The following KAT2B variants were observed in gnomAD, a reference collection of about 807,000 sequenced individuals.
KAT2B encodes lysine acetyltransferase 2B, also known as histone acetyltransferase KAT2B.
KAT2B carries 36 observed loss-of-function variants against 105.9 expected under a neutral mutation model. That is an observed-to-expected ratio of 0.34 (90% CI 0.26 to 0.45). KAT2B has a LOEUF of 0.45. KAT2B is among the 20% of genes least tolerant of loss of function. KAT2B has a pLI of 1.00. For synonymous variants in KAT2B, 397 were observed against 377.9 expected, an observed-to-expected ratio of 1.05 and a Z score of -0.59; for missense variants, 820 against 1,021.6, an observed-to-expected ratio of 0.80 and a Z score of 2.69.
At position 20,117,849 on chromosome 3, in the gene KAT2B, C is replaced by T. The variant is rs182475823; in HGVS notation, c.1151-1749C>T. On this transcript the variant is annotated intron_variant, in intron 7 of 17. Coordinates refer to ENST00000263754, the MANE Select transcript of KAT2B (RefSeq NM_003884.5). Reference sequence around the variant, plus strand: ...AGCAACACAGCTAGCAAAGCAGCATCCTACTTTGTACAATGGCCTTTTCTA... The same window carrying T: ...AGCAACACAGCTAGCAAAGCAGCATTCTACTTTGTACAATGGCCTTTTCTA... 2.9e-3 allele frequency among the ~76,000 whole-genome samples: 447 copies of T among 152,264 alleles called. 1 individual carries two copies. Among genetic ancestry groups the T allele is most frequent in the Non-Finnish European group, 4.6e-3 (313 of 68,010 alleles).
chr3:20,133,467 A>G (rs1030426415), intron 11 of KAT2B, among the ~76,000 whole-genome samples: 2 of 152,212 alleles, frequency 1.3e-5, no homozygotes, highest in Non-Finnish European at 1.5e-5. Flanking sequence ...GAACATTTCC[A>G]TAATTGCAGG....
intron 1 of KAT2B, among the ~76,000 whole-genome samples, chr3:20,067,761 G>T (rs1340925652): frequency 1.3e-5 from 2 of 151,730 alleles, no homozygotes; most frequent in Non-Finnish European, 1.5e-5. Context: ...TGCAACCTCT[G>T]CCTCCCAGGT....
chr3:20,144,374 T>C (rs1218294382), intron 13 of KAT2B, among the ~76,000 whole-genome samples: 5 of 144,812 alleles, frequency 3.5e-5, no homozygotes, highest in East Asian at 4.2e-4. Flanking sequence ...CTGCAAGCTC[T>C]GCCTCCTGGG....
chr3:20,043,234 T>G (rs75922242), intron 1 of KAT2B, among the ~76,000 whole-genome samples: 4,004 of 152,182 alleles, frequency 0.026, 173 homozygotes, highest in African/African-American at 0.091. Context: ...ATCCATTCAT[T>G]CAGTAAATAT....
chr3:20,087,422 G>A lies in KAT2B; in HGVS notation c.431-7841G>A, dbSNP rs150233391. 2.0e-3 allele frequency among the ~76,000 whole-genome samples: 310 copies of A among 152,102 alleles called. 3 individuals carry two copies. The highest frequency in any genetic ancestry group is 7.1e-3 in the African/African-American group (295 of 41,446). ...AATGTATATATTTATCGTGTATAAT[G>A]TGATATTTTGAGATGTATATATTAT... On this transcript the variant is annotated intron_variant, in intron 2 of 17. Transcript: ENST00000263754.
At chr3:20,074,979 C>A (rs1255576464) in intron 2 of KAT2B, among the ~76,000 whole-genome samples, 1 of 151,930 alleles carries the variant, frequency 6.6e-6, no homozygotes, top group Non-Finnish European at 1.5e-5. Flanking sequence ...AATATAATAC[C>A]ATAAGGCCGG....
intron 8 of KAT2B, among the ~76,000 whole-genome samples, chr3:20,120,125 CCTT>C (rs1699281350): frequency 6.6e-6 from 1 of 152,134 alleles, no homozygotes; most frequent in Admixed American, 6.5e-5. Context: ...CGGAACATGT[CCTT>C]CTTGTGATGA....
Position 20,047,606 on chromosome 3 carries a change from C to CTTTT in KAT2B, c.303+6842_303+6845dup, listed in dbSNP as rs35457765. Among the ~76,000 whole-genome samples, 135 of 117,844 alleles carry CTTTT rather than the reference C, an allele frequency of 1.1e-3. 4 individuals carry two copies. Among genetic ancestry groups the CTTTT allele is most frequent in the Admixed American group, 1.8e-3 (18 of 10,050 alleles). 77.3% of individuals were successfully genotyped at this position (117,844 alleles called of 152,430 possible). A position where few individuals can be genotyped will look rare whatever the true frequency, so the allele number is the denominator to read the frequency against. On this transcript the variant is annotated intron_variant, in intron 1 of 17. Coordinates refer to ENST00000263754, the MANE Select transcript of KAT2B (RefSeq NM_003884.5). ...GAAAGTTTCCTCTTGCCGTGAGTACCTTTTTTTTTTTTTTTTTTTGAGACG... is the reference window on the plus strand; with the variant it reads ...GAAAGTTTCCTCTTGCCGTGAGTACCTTTTTTTTTTTTTTTTTTTTTTTGAGACG...
chr3:20,078,197 TA>T (rs1698453513), intron 2 of KAT2B, among the ~76,000 whole-genome samples: 1 of 151,794 alleles, frequency 6.6e-6, no homozygotes, highest in Admixed American at 6.6e-5. Flanking sequence ...AATAAATAAA[TA>T]AATAAATAAA....
chr3:20,074,000 A>C (rs1472215946), intron 2 of KAT2B, among the ~76,000 whole-genome samples: 1 of 152,196 alleles, frequency 6.6e-6, no homozygotes, highest in Admixed American at 6.5e-5. Flanking sequence ...AGTGCTTCAC[A>C]AAAAAAGCCA....
intron 5 of KAT2B, among the ~76,000 whole-genome samples, chr3:20,110,599 G>C (rs890394862): frequency 4.6e-5 from 7 of 150,782 alleles, no homozygotes. Flanking sequence ...CTTGAGCCCA[G>C]GAGGTAGAGG....
Position 20,092,255 on chromosome 3 carries a change from G to A in KAT2B, c.431-3008G>A, listed in dbSNP as rs539165869. Among the ~76,000 whole-genome samples the A allele has an allele frequency of 5.7e-3, 377 of 66,326 alleles. 1 individual carries two copies. Among genetic ancestry groups the A allele is most frequent in the South Asian group, 0.047 (84 of 1,792 alleles). 43.5% of individuals were successfully genotyped at this position (66,326 alleles called of 152,430 possible). ...TATTTATTTATTTATTTGAGATGGA[G>A]TGTTGCTCTGTTGCCTAGGCTGGAG... On this transcript the variant is annotated intron_variant, in intron 2 of 17. Coordinates refer to ENST00000263754, the MANE Select transcript of KAT2B (RefSeq NM_003884.5).
rs548830211 is a variant in KAT2B, at chr3:20,115,159, C to T, written c.1150+171C>T. Among the ~76,000 whole-genome samples, 43 of 152,290 alleles carry T rather than the reference C, an allele frequency of 2.8e-4. No individual in the cohort carries two copies. In the South Asian group the frequency reaches 8.5e-3, roughly 30 times the overall value. On this transcript the variant is annotated intron_variant, in intron 7 of 17. Coordinates refer to ENST00000263754, the MANE Select transcript of KAT2B (RefSeq NM_003884.5). ...TAGTCTCAGTCGATGGCTAGATACA[C>T]CTAGGAATCAAGTCTCAGTCTGACC...
intron 1 of KAT2B, among the ~76,000 whole-genome samples, chr3:20,062,339 T>C (rs1698148492): frequency 1.1e-5 from 1 of 93,652 alleles, no homozygotes; most frequent in African/African-American, 4.0e-5. Flanking sequence ...ATGTATAAAA[T>C]ATAATATATA....
intron 3 of KAT2B, among the ~76,000 whole-genome samples, chr3:20,096,926 T>A (rs1698820964): frequency 6.7e-6 from 1 of 149,280 alleles, no homozygotes; most frequent in African/African-American, 2.5e-5. Context: ...TTGGGGATAT[T>A]AACTTTAAAA....
At chr3:20,048,354 G>C (rs1697852113) in intron 1 of KAT2B, among the ~76,000 whole-genome samples, 1 of 152,184 alleles carries the variant, frequency 6.6e-6, no homozygotes, top group Non-Finnish European at 1.5e-5. Flanking sequence ...AGCAAAATCT[G>C]CTGAGGACTG....
chr3:20,071,830 G>T (rs1280277586), intron 1 of KAT2B, among the ~76,000 whole-genome samples: 1 of 152,204 alleles, frequency 6.6e-6, no homozygotes, highest in African/African-American at 2.4e-5. Context: ...TGTGCCTTCA[G>T]CTGGGTGTGC....
chr3:20,107,976 T>C (rs1190748164), intron 5 of KAT2B, among the ~76,000 whole-genome samples: 2 of 151,752 alleles, frequency 1.3e-5, no homozygotes, highest in Non-Finnish European at 2.9e-5. Context: ...GCCTGGCTAA[T>C]GTTTATATTT....
At position 20,154,344 on chromosome 3, in the gene KAT2B, T is replaced by C. The variant is rs1431567505; in HGVS notation, c.*1819T>C. 6.6e-6 allele frequency: 1 copy of C among 152,666 alleles called. No homozygotes were observed. The highest frequency in any genetic ancestry group is 1.9e-4 in the East Asian group (1 of 5,200). The allele number at this position is 152,666 out of a possible 1,614,324, so 9.5% of individuals were successfully genotyped here. On this transcript the variant is annotated 3_prime_UTR_variant, in exon 18 of 18. Coordinates refer to ENST00000263754, the MANE Select transcript of KAT2B (RefSeq NM_003884.5). ...ACAGCTGATAAAAATTTTACATTTG[T>C]AAAATTAATATATTGTACTGGTACA...
Sources: gnomAD v4.1 joint callset for allele counts (sites outside exome capture counted in the v4.1 genomes callset) on GRCh38, gnomAD v4.1.1 for gene constraint, MANE v1.5 for transcripts, NCBI Gene and HGNC (gene_info 2026-07-23, HGNC 2026-07-21) for gene names.